Variants in GUCA1C observed in about 807,000 individuals in gnomAD.
GUCA1C encodes the protein guanylate cyclase activator 1C.
Under a neutral mutation model 16.2 loss-of-function variants are expected in GUCA1C, and 15 were observed. That is an observed-to-expected ratio of 0.93 (90% CI 0.62 to 1.43). GUCA1C has a LOEUF of 1.43. GUCA1C is among the 40% of genes most tolerant of loss of function. GUCA1C has a pLI of 0.00. For synonymous variants in GUCA1C, 78 were observed against 85.4 expected (o/e 0.91, Z 0.48); for missense variants, 275 against 244.8 (o/e 1.12, Z -0.82).
At chr3:108,953,453 G>A (rs1462111523) in intron 1 of GUCA1C, 106 bp downstream of exon 1, 3 of 716,048 alleles carry the variant, frequency 4.2e-6, no homozygotes, top group Admixed American at 2.4e-5. Flanking sequence ...TCCATTCAGT[G>A]GGATGTACAC....
intron 1 of GUCA1C, among the ~76,000 whole-genome samples, chr3:108,945,129 T>C (rs534236594): frequency 3.3e-5 from 5 of 152,308 alleles, no homozygotes; most frequent in East Asian, 1.9e-4. Flanking sequence ...TTCCCGAGAA[T>C]TGGGTGTTTT....
chr3:108,920,426 C>A lies in GUCA1C; in HGVS notation c.354+10G>T. On this transcript the variant is annotated intron_variant, in intron 2 of 3. Coordinates refer to ENST00000261047, the MANE Select transcript of GUCA1C (RefSeq NM_005459.4). ...GCGGCCTGAAAAGGATACTTTACTA[C>A]TTCACTTACCATGAACATGTCCAGT... 1 of 1,601,946 alleles carries A rather than the reference C, an allele frequency of 6.2e-7. No individual in the cohort carries two copies. Among genetic ancestry groups the A allele is most frequent in the Middle Eastern group, 1.7e-4 (1 of 5,976 alleles).
intron 1 of GUCA1C, among the ~76,000 whole-genome samples, chr3:108,945,058 C>G (rs1432589743): frequency 2.6e-5 from 4 of 152,216 alleles, no homozygotes; most frequent in Non-Finnish European, 5.9e-5. Flanking sequence ...GGAAGTTCCA[C>G]TCTGTGCACT....
At chr3:108,910,157 T>C (rs1230600102) in intron 3 of GUCA1C, among the ~76,000 whole-genome samples, 1 of 152,156 alleles carries the variant, frequency 6.6e-6, no homozygotes, top group Non-Finnish European at 1.5e-5. Context: ...CTTCCGTATT[T>C]CCCTAGAAAG....
intron 1 of GUCA1C, among the ~76,000 whole-genome samples, chr3:108,949,016 T>C (rs887118836): frequency 6.6e-6 from 1 of 151,952 alleles, no homozygotes. Context: ...CCCGGCTAAT[T>C]TTTGTATTTT....
chr3:108,920,996 A>G (rs1347577025), intron 1 of GUCA1C, among the ~76,000 whole-genome samples: 2 of 152,186 alleles, frequency 1.3e-5, no homozygotes, highest in African/African-American at 4.8e-5. Flanking sequence ...TGTATTTTAC[A>G]TTCTGCAAGT....
At chr3:108,945,872 T>C (rs1296826013) in intron 1 of GUCA1C, among the ~76,000 whole-genome samples, 5 of 152,202 alleles carry the variant, frequency 3.3e-5, no homozygotes, top group African/African-American at 7.2e-5. Context: ...ATGACCCTCA[T>C]ATAACCCAAT....
At chr3:108,913,255 G>A (rs1477170335) in intron 3 of GUCA1C, among the ~76,000 whole-genome samples, 1 of 151,392 alleles carries the variant, frequency 6.6e-6, no homozygotes, top group African/African-American at 2.4e-5. Flanking sequence ...ATATGTCAGT[G>A]TACAGTCAAC....
At chr3:108,945,747 T>C (rs1047359685) in intron 1 of GUCA1C, among the ~76,000 whole-genome samples, 2 of 152,188 alleles carry the variant, frequency 1.3e-5, no homozygotes, top group Non-Finnish European at 2.9e-5. Context: ...AACACTGAAC[T>C]TGTGGGGTTT....
intron 3 of GUCA1C, among the ~76,000 whole-genome samples, chr3:108,910,713 T>G (rs184553649): frequency 3.2e-4 from 49 of 151,698 alleles, no homozygotes; most frequent in African/African-American, 3.9e-4. Context: ...GCAGTGGGGC[T>G]ATCTCGGCTG....
At position 108,908,094 on chromosome 3, in the gene GUCA1C, C is replaced by T; in HGVS notation, c.558G>A (p.Lys186=). The change falls in exon 4 of 4, where the codon AAG becomes AAA. Residue 186 remains lysine, a synonymous_variant. Coordinates refer to ENST00000261047, the MANE Select transcript of GUCA1C (RefSeq NM_005459.4). ...AGGAGTCTGTCTCCATGTCTGGCTG[C>T]TTCCCATTACAGATTACTCTCAGCA... ...SNVLRVICNG[K]QPDMETDSSK... is the part of the protein sequence containing the mutation. 1 of 1,613,788 alleles carries T rather than the reference C, an allele frequency of 6.2e-7. No individual in the cohort carries two copies.
intron 1 of GUCA1C, among the ~76,000 whole-genome samples, chr3:108,923,593 A>G (rs867337583): frequency 2.0e-5 from 3 of 152,016 alleles, no homozygotes; most frequent in African/African-American, 7.2e-5. Context: ...TGACGTCTCT[A>G]TATTTGTTCT....
chr3:108,939,328 T>TTTTTTTTTTTG lies in GUCA1C; in HGVS notation c.204+14230_204+14231insCAAAAAAAAAA. ...AATATATTACTTGCTTCAAGGCTTT[T>TTTTTTTTTTTG]TTTTTTTTTTTTTTTTTTTTTGAGA... On this transcript the variant is annotated intron_variant, in intron 1 of 3. Transcript: ENST00000261047. 1.9e-5 allele frequency among the ~76,000 whole-genome samples: 2 copies of TTTTTTTTTTTG among 102,728 alleles called. 1 individual carries two copies. Among genetic ancestry groups the TTTTTTTTTTTG allele is most frequent in the Non-Finnish European group, 4.1e-5 (2 of 48,270 alleles). The allele number at this position is 102,728 out of a possible 152,430, so 67.4% of individuals were successfully genotyped here. A position where few individuals can be genotyped will look rare whatever the true frequency, so the allele number is the denominator to read the frequency against.
At chr3:108,938,694 G>A (rs1313423111) in intron 1 of GUCA1C, among the ~76,000 whole-genome samples, 1 of 152,174 alleles carries the variant, frequency 6.6e-6, no homozygotes. Context: ...TGAGAGGCTT[G>A]CCTCTGTGAG....
intron 1 of GUCA1C, among the ~76,000 whole-genome samples, chr3:108,923,220 T>A (rs1332379069): frequency 3.3e-5 from 5 of 152,228 alleles, no homozygotes; most frequent in Non-Finnish European, 7.3e-5. Context: ...GCTTTTGGAT[T>A]CTTGATCATG....
rs1431510361 is a variant in GUCA1C, at chr3:108,916,186, G to A, written c.383C>T (p.Thr128Ile). The A allele has an allele frequency of 6.2e-7, 1 of 1,613,754 alleles. No homozygotes were observed. Among genetic ancestry groups the A allele is most frequent in the Non-Finnish European group, 8.5e-7 (1 of 1,179,792 alleles). ...MAVQALNGQQ[T>I]LSPEEFINLV... ...GTTGATGAATTCTTCAGGACTCAGA[G>A]TTTGCTGGCCATTGAGGGCTTGTAC... The change falls in exon 3 of 4, where the codon ACT (threonine) becomes ATT (isoleucine). Residue 128 changes from threonine to isoleucine, a missense_variant. By Grantham distance (89) the Thr-to-Ile change is moderately conservative. Coordinates refer to ENST00000261047, the MANE Select transcript of GUCA1C (RefSeq NM_005459.4).
intron 1 of GUCA1C, among the ~76,000 whole-genome samples, chr3:108,949,069 A>T: frequency 6.6e-6 from 1 of 152,102 alleles, no homozygotes; most frequent in East Asian, 1.9e-4. Flanking sequence ...GCCGGTCTCG[A>T]ACTCCTGACC....
At chr3:108,912,789 T>G (rs1946469788) in intron 3 of GUCA1C, among the ~76,000 whole-genome samples, 1 of 152,092 alleles carries the variant, frequency 6.6e-6, no homozygotes, top group Non-Finnish European at 1.5e-5. Flanking sequence ...ATCTTTTCTT[T>G]ATTTCTTACA....
intron 1 of GUCA1C, among the ~76,000 whole-genome samples, chr3:108,933,090 C>G (rs1946687001): frequency 6.6e-6 from 1 of 152,168 alleles, no homozygotes; most frequent in Non-Finnish European, 1.5e-5. Flanking sequence ...ATATGTCATA[C>G]TCTTCCATTT....
Sources: gnomAD v4.1 joint callset for allele counts (sites outside exome capture counted in the v4.1 genomes callset) on GRCh38, gnomAD v4.1.1 for gene constraint, MANE v1.5 for transcripts, NCBI Gene and HGNC (gene_info 2026-07-23, HGNC 2026-07-21) for gene names.